The following CACNA2D1 variants were observed in gnomAD, a reference collection of about 807,000 sequenced individuals.
CACNA2D1 encodes the protein voltage-dependent calcium channel subunit alpha-2/delta-1.
A neutral mutation model predicts 171.5 loss-of-function variants in CACNA2D1; 53 were observed. The observed-to-expected ratio is 0.31, with a 90% CI of 0.25 to 0.39. The LOEUF (loss-of-function observed/expected upper bound fraction) is 0.39. Among genes scored for constraint, CACNA2D1 ranks in the 10% least tolerant of loss-of-function variants. The pLI is 1.00. For synonymous variants in CACNA2D1, 442 were observed against 443.1 expected (o/e 1.00, Z 0.03); for missense variants, 903 against 1,299.8 (o/e 0.69, Z 4.69).
chr7:82,169,888 G>T (rs1795840191), intron 4 of CACNA2D1, among the ~76,000 whole-genome samples: 1 of 151,280 alleles, frequency 6.6e-6, no homozygotes, highest in Non-Finnish European at 1.5e-5. Context: ...GGCTATAAGA[G>T]GATAGATAAA....
intron 22 of CACNA2D1, 122 bp from the exon 23 acceptor site, chr7:81,983,456 A>G (rs554974568): frequency 1.9e-5 from 15 of 778,390 alleles, no homozygotes; most frequent in Non-Finnish European, 3.1e-5. Context: ...TGCATAGATC[A>G]AAGGTTCATT....
At chr7:82,151,332 T>C (rs1202189051) in intron 4 of CACNA2D1, among the ~76,000 whole-genome samples, 2 of 152,164 alleles carry the variant, frequency 1.3e-5, no homozygotes, top group Non-Finnish European at 2.9e-5. Flanking sequence ...AAGATCTGTA[T>C]ACTTTTCCAA....
At chr7:82,316,664 C>T (rs112700785) in intron 3 of CACNA2D1, among the ~76,000 whole-genome samples, 2,119 of 152,184 alleles carry the variant, frequency 0.014, 47 homozygotes, top group South Asian at 0.052. Context: ...AAGACATATC[C>T]AAGACTGGGT....
chr7:82,041,901 A>G, intron 10 of CACNA2D1, among the ~76,000 whole-genome samples: 1 of 152,228 alleles, frequency 6.6e-6, no homozygotes. Flanking sequence ...ATGAATCACC[A>G]TAAAGGTACA....
chr7:82,184,169 C>CTTTTTTTTTTTTTTTTTTTTTTTTTT, intron 3 of CACNA2D1, among the ~76,000 whole-genome samples: 1 of 127,420 alleles, frequency 7.8e-6, no homozygotes. Flanking sequence ...TCGGTTTCCT[C>CTTTTTTTTTTTTTTTTTTTTTTTTTT]TTTTTTTTTT....
At chr7:82,401,653 A>G (rs80222741) in intron 1 of CACNA2D1, among the ~76,000 whole-genome samples, 7,086 of 152,044 alleles carry the variant, frequency 0.047, 185 homozygotes, top group Middle Eastern at 0.068. Flanking sequence ...ACATGTATAC[A>G]TATGTAACTA....
chr7:82,224,391 T>C (rs935753991), intron 3 of CACNA2D1, among the ~76,000 whole-genome samples: 4 of 151,876 alleles, frequency 2.6e-5, no homozygotes, highest in Non-Finnish European at 5.9e-5. Flanking sequence ...AACAAGACCA[T>C]CCTGGCCAAC....
chr7:82,032,496 T>C (rs1405889879), intron 12 of CACNA2D1, among the ~76,000 whole-genome samples: 1 of 151,732 alleles, frequency 6.6e-6, no homozygotes, highest in Non-Finnish European at 1.5e-5. Context: ...ATTTTACCAT[T>C]CCTTTGATTT....
At chr7:82,059,337 T>C (rs1257346462) in intron 10 of CACNA2D1, among the ~76,000 whole-genome samples, 1 of 152,160 alleles carries the variant, frequency 6.6e-6, no homozygotes, top group Admixed American at 6.6e-5. Flanking sequence ...ACTTTCTAGC[T>C]ATGAGTAGGA....
intron 1 of CACNA2D1, among the ~76,000 whole-genome samples, chr7:82,388,642 G>A (rs1245361004): frequency 1.3e-5 from 2 of 151,994 alleles, no homozygotes; most frequent in African/African-American, 4.8e-5. Context: ...TCATGTGAGG[G>A]GAAAAAAAGT....
intron 3 of CACNA2D1, among the ~76,000 whole-genome samples, chr7:82,205,817 A>G (rs1200891233): frequency 1.3e-5 from 2 of 152,156 alleles, no homozygotes; most frequent in East Asian, 3.9e-4. Flanking sequence ...GCAGTGATAC[A>G]CTCTGAAATA....
intron 1 of CACNA2D1, among the ~76,000 whole-genome samples, chr7:82,392,182 T>C (rs551152501): frequency 2.0e-5 from 3 of 152,354 alleles, no homozygotes; most frequent in African/African-American, 7.2e-5. Context: ...TAATTGGTTT[T>C]TCATGCTGTC....
intron 5 of CACNA2D1, among the ~76,000 whole-genome samples, chr7:82,119,622 T>C (rs531696974): frequency 1.2e-4 from 19 of 152,312 alleles, no homozygotes; most frequent in African/African-American, 3.4e-4. Context: ...TTCCTACTTA[T>C]AGCAAAATAT....
chr7:82,147,013 A>AAAAAAAAAAC (rs1793213579), intron 4 of CACNA2D1, among the ~76,000 whole-genome samples: 1 of 129,796 alleles, frequency 7.7e-6, no homozygotes, highest in African/African-American at 2.7e-5. Flanking sequence ...AAAAAAAAAA[A>AAAAAAAAAAC]AAAGCAGCTA....
At chr7:82,314,877 AC>A (rs1234289084) in intron 3 of CACNA2D1, among the ~76,000 whole-genome samples, 2 of 152,146 alleles carry the variant, frequency 1.3e-5, no homozygotes, top group East Asian at 3.9e-4. Context: ...GGCTTCAGCA[AC>A]CTGTGTTTTA....
intron 3 of CACNA2D1, among the ~76,000 whole-genome samples, chr7:82,277,792 C>T (rs1809557199): frequency 6.8e-6 from 1 of 146,420 alleles, no homozygotes; most frequent in Non-Finnish European, 1.5e-5. Context: ...GTCGCTCAGG[C>T]TGGAGTGCAG....
intron 5 of CACNA2D1, among the ~76,000 whole-genome samples, chr7:82,124,839 A>G (rs1222601797): frequency 2.0e-5 from 3 of 152,160 alleles, no homozygotes. Flanking sequence ...GACTTCATCA[A>G]TGTTTGATAC....
At chr7:81,952,859 C>T (rs1792769015) in intron 38 of CACNA2D1, among the ~76,000 whole-genome samples, 1 of 152,030 alleles carries the variant, frequency 6.6e-6, no homozygotes, top group African/African-American at 2.4e-5. Flanking sequence ...TTGATCTCTA[C>T]CTTTCTCCTC....
At chr7:82,200,676 T>G (rs1799322388) in intron 3 of CACNA2D1, among the ~76,000 whole-genome samples, 1 of 152,116 alleles carries the variant, frequency 6.6e-6, no homozygotes, top group Non-Finnish European at 1.5e-5. Flanking sequence ...AAGTTGCTAT[T>G]TTGTGAACAC....
Sources: gnomAD v4.1 joint callset for allele counts (sites outside exome capture counted in the v4.1 genomes callset) on GRCh38, gnomAD v4.1.1 for gene constraint, MANE v1.5 for transcripts, NCBI Gene and HGNC (gene_info 2026-07-23, HGNC 2026-07-21) for gene names.